PROZ: variants seen among roughly 807,000 people sequenced by gnomAD.
The protein encoded by PROZ is protein Z, vitamin K dependent plasma glycoprotein.
Under a neutral mutation model 34.9 loss-of-function variants are expected in PROZ, and 46 were observed. The observed-to-expected ratio is 1.32, with a 90% CI of 1.04 to 1.69. The LOEUF is 1.69. PROZ is among the 40% of genes most tolerant of loss of function. The probability of loss-of-function intolerance (pLI) is 0.00; values close to 1 mark genes in which losing one functional copy is unlikely to be tolerated. For missense variants in PROZ, 530 were observed against 520.4 expected, an observed-to-expected ratio of 1.02 and a Z score of -0.18; for synonymous variants, 195 against 208.5, an observed-to-expected ratio of 0.94 and a Z score of 0.56.
Position 113,159,683 on chromosome 13 carries a change from CT to C in PROZ, c.71-328del, listed in dbSNP as rs1311102988. Among the ~76,000 whole-genome samples the C allele has an allele frequency of 1.1e-4, 16 of 152,350 alleles. No individual in the cohort carries two copies. Among genetic ancestry groups the C allele is most frequent in the African/African-American group, 3.8e-4 (16 of 41,574 alleles). Reference sequence around the variant, plus strand: ...GGTCCCCAGTTCTCAGTACGGGGACCTTTGACCCCAGCTCAGCCTTCCTTCG... The same window carrying C: ...GGTCCCCAGTTCTCAGTACGGGGACCTTGACCCCAGCTCAGCCTTCCTTCG... On this transcript the variant is annotated intron_variant, in intron 1 of 7. Transcript: ENST00000375547. This position sits in a 1 kb window ranked among gnomAD's most constrained non-coding sequence, Gnocchi z 4.6.
chr13:113,161,799 T>G (rs1414764493), intron 3 of PROZ, among the ~76,000 whole-genome samples: 3 of 48,396 alleles, frequency 6.2e-5, no homozygotes, highest in African/African-American at 8.1e-5. Flanking sequence ...CCCTGCCACC[T>G]CCTCACATCC....
chr13:113,159,086 G>A lies in PROZ; in HGVS notation c.70+356G>A. On this transcript the variant is annotated intron_variant, in intron 1 of 7. Transcript: ENST00000375547. The surrounding 1 kb of genome is among the most constrained non-coding windows in gnomAD (Gnocchi z 4.6). ...GGGTGGGGCAGGCTGAGCCCAGACT[G>A]CAATGTGGGCAGAGAGAGCCTTGGC... 2 of 860,422 alleles carry A rather than the reference G, an allele frequency of 2.3e-6. No homozygotes were observed. Among genetic ancestry groups the A allele is most frequent in the Non-Finnish European group, 3.8e-6 (2 of 531,764 alleles). 53.3% of individuals were successfully genotyped at this position (860,422 alleles called of 1,614,324 possible).
At chr13:113,164,273 C>T (rs539437978) in intron 4 of PROZ, among the ~76,000 whole-genome samples, 6 of 152,124 alleles carry the variant, frequency 3.9e-5, no homozygotes, top group South Asian at 2.1e-4. Flanking sequence ...CCACCGCGCC[C>T]GGCCTCACTC....
rs1197596242 is a variant in PROZ, at chr13:113,170,509, A to G, written c.670A>G (p.Arg224Gly). ...AACAGCAAAATGTTCACTGTTACAC[A>G]GGAATATTACTGTAAAAACATGTAA... is the stretch of plus-strand genomic sequence containing the variant. ...LTTAKCSLLH[R>G]NITVKTYFNR... is the part of the protein sequence containing the mutation. Residue 224 changes from arginine (R) to glycine (G), a missense_variant, in exon 7 of 8, where the codon AGG (arginine) becomes GGG (glycine). Coordinates refer to ENST00000375547, the MANE Select transcript of PROZ (RefSeq NM_003891.3). 1 of 1,587,150 alleles carries G rather than the reference A, an allele frequency of 6.3e-7. No individual in the cohort carries two copies. Among genetic ancestry groups the G allele is most frequent in the Middle Eastern group, 1.7e-4 (1 of 5,926 alleles).
At chr13:113,170,612 C>A in intron 7 of PROZ, 82 bp downstream of exon 7, 1 of 900,402 alleles carries the variant, frequency 1.1e-6, no homozygotes, top group South Asian at 1.3e-5. Context: ...AAATTTAAAA[C>A]TGGACTGTTT....
At chr13:113,161,601 C>G (rs1013034069) in intron 3 of PROZ, among the ~76,000 whole-genome samples, 9 of 152,104 alleles carry the variant, frequency 5.9e-5, no homozygotes, top group African/African-American at 1.7e-4. Context: ...TGGGGCGGGA[C>G]AGAGGGGACC....
chr13:113,161,740 A>G (rs1167516765), intron 3 of PROZ, among the ~76,000 whole-genome samples: 2 of 147,442 alleles, frequency 1.4e-5, no homozygotes, highest in South Asian at 2.2e-4. Context: ...CTCAGTCCCC[A>G]TTCCTGCCAC....
Position 113,163,093 on chromosome 13 carries a change from C to A in PROZ, c.344C>A (p.Pro115His). The A allele has an allele frequency of 6.4e-7, 1 of 1,556,926 alleles. No individual in the cohort carries two copies. Among genetic ancestry groups the A allele is most frequent in the East Asian group, 2.4e-5 (1 of 41,428 alleles). ...TGGGGCTACACCTGCACCTGCTCCC[C>A]CGGCTATGAGGGCAGCAACTGCGAG... ...SIWGYTCTCSPGYEGSNCELA... is the reference protein window; with the variant it reads ...SIWGYTCTCSHGYEGSNCELA... The change falls in exon 4 of 8, where the codon CCC (proline) becomes CAC (histidine). Residue 115 changes from proline (P) to histidine (H), a missense_variant. Transcript: ENST00000375547.
rs2036728508 is a variant in PROZ at position 113,159,743 on chromosome 13, T to C, written c.71-271T>C. Reference sequence around the variant, plus strand: ...CCCAAAACCCAGTTGGAGCCCTCCCTCCTCCACTTTCCTGACTGAGGCCCG... The same window carrying C: ...CCCAAAACCCAGTTGGAGCCCTCCCCCCTCCACTTTCCTGACTGAGGCCCG... On this transcript the variant is annotated intron_variant, in intron 1 of 7. Coordinates refer to ENST00000375547, the MANE Select transcript of PROZ (RefSeq NM_003891.3). This position sits in a 1 kb window ranked among gnomAD's most constrained non-coding sequence, Gnocchi z 4.6. Among the ~76,000 whole-genome samples, 1 of 152,208 alleles carries C rather than the reference T, an allele frequency of 6.6e-6. No homozygotes were observed. The highest frequency in any genetic ancestry group is 2.4e-5 in the African/African-American group (1 of 41,466).
Position 113,165,086 on chromosome 13 carries a change from A to C in PROZ, c.539A>C (p.Lys180Thr). 1 of 1,612,928 alleles carries C rather than the reference A, an allele frequency of 6.2e-7. No homozygotes were observed. Among genetic ancestry groups the C allele is most frequent in the Non-Finnish European group, 8.5e-7 (1 of 1,180,008 alleles). The change falls in exon 6 of 8, where the codon AAG becomes ACG. Residue 180 changes from lysine to threonine, a missense_variant. By Grantham distance (78) the Lys-to-Thr change is moderately conservative. Transcript: ENST00000375547. ...QCACGVLTSE[K>T]RAPDLQDLPW... ...GCCTGCGGGGTGCTGACCTCTGAGA[A>C]GCGTGCACCGGATCTACAGGACCTC...
intron 6 of PROZ, among the ~76,000 whole-genome samples, chr13:113,169,611 CAG>C (rs751564506): frequency 2.0e-4 from 30 of 152,216 alleles, no homozygotes; most frequent in Non-Finnish European, 2.9e-4. Flanking sequence ...TAAGATTTGT[CAG>C]TAGGACCAGG....
chr13:113,164,258 A>C (rs148119789), intron 4 of PROZ, among the ~76,000 whole-genome samples: 3 of 151,986 alleles, frequency 2.0e-5, no homozygotes, highest in South Asian at 2.1e-4. Flanking sequence ...GATTACAGGC[A>C]TGAGCCACCG....
chr13:113,170,660 C>A, intron 7 of PROZ, 130 bp downstream of exon 7: 1 of 675,182 alleles, frequency 1.5e-6, no homozygotes, highest in South Asian at 1.7e-5. Context: ...GTCAATAAAA[C>A]TGAGATACTT....
intron 5 of PROZ, 110 bp from the exon 6 acceptor site, chr13:113,164,942 TA>T: frequency 9.0e-7 from 1 of 1,116,858 alleles, no homozygotes. Context: ...GATAAGATTA[TA>T]ATGGTTAGTA....
Position 113,171,447 on chromosome 13 carries a change from A to C in PROZ, c.692-147A>C, listed in dbSNP as rs3024770. On this transcript the variant is annotated intron_variant, in intron 7 of 7. Coordinates refer to ENST00000375547, the MANE Select transcript of PROZ (RefSeq NM_003891.3). This position sits in a 1 kb window ranked among gnomAD's most constrained non-coding sequence, Gnocchi z 5.1. ...GTGGCCTTTCTGTCCGCAGAAAGGC[A>C]CAGTGTCCACACCACGGGGCGGTGA... 0.013 allele frequency: 11,968 copies of C among 907,582 alleles called. 884 individuals carry two copies. The East Asian group carries it at 0.19, about 14-fold the overall frequency. 56.2% of individuals were successfully genotyped at this position (907,582 alleles called of 1,614,324 possible). A position where few individuals can be genotyped will look rare whatever the true frequency, so the allele number is the denominator to read the frequency against.
Position 113,171,934 on chromosome 13 carries a change from C to G in PROZ, c.1032C>G (p.Ser344Arg). The G allele has an allele frequency of 6.2e-7, 1 of 1,613,742 alleles. No individual in the cohort carries two copies. The highest frequency in any genetic ancestry group is 8.5e-7 in the Non-Finnish European group (1 of 1,180,040). Residue 344 changes from serine (S) to arginine (R), a missense_variant, in exon 8 of 8, where the codon AGC becomes AGG. Ser to Arg is a moderately radical substitution (Grantham distance 110). Coordinates refer to ENST00000375547, the MANE Select transcript of PROZ (RefSeq NM_003891.3). The surrounding 1 kb of genome is among the most constrained non-coding windows in gnomAD (Gnocchi z 5.1). The part of the protein sequence containing the change: ...TVTTRTYCER[S>R]SVAAMHWMDG... ...CCACCAGGACCTACTGTGAGAGAAG[C>G]AGCGTGGCGGCCATGCACTGGATGG... is the stretch of plus-strand genomic sequence containing the variant.
In PROZ at chr13:113,158,703, C is replaced by T. The variant is rs373938351; in HGVS notation, c.43C>T (p.Leu15Phe). 6.2e-6 allele frequency: 10 copies of T among 1,606,766 alleles called. No individual in the cohort carries two copies. The highest frequency in any genetic ancestry group is 1.7e-5 in the Admixed American group (1 of 59,358). ...VPLLQGLVLV[L>F]ALHRVEPSVF... ...ACTGCTCCAGGGCCTGGTCCTGGTC[C>T]TCGCCCTCCATCGTGTGGAGCCCTC... The change falls in exon 1 of 8, where the codon CTC becomes TTC. Residue 15 changes from leucine (L) to phenylalanine (F), a missense_variant. By Grantham distance (22) the Leu-to-Phe change is conservative. Coordinates refer to ENST00000375547, the MANE Select transcript of PROZ (RefSeq NM_003891.3). This position sits in a 1 kb window ranked among gnomAD's most constrained non-coding sequence, Gnocchi z 4.3.
rs781610266 is a variant in PROZ at position 113,160,065 on chromosome 13, C to A, written c.122C>A (p.Ala41Glu). Reference protein sequence around the residue: ...ANDVLVRWKRAGSYLLEELFE... With the variant: ...ANDVLVRWKREGSYLLEELFE... The stretch of plus-strand genomic sequence containing the variant: ...GACGTTCTGGTGAGGTGGAAGCGTG[C>A]GGGCTCCTATCTTCTGGAAGAACTC... The change falls in exon 2 of 8, where the codon GCG (alanine) becomes GAG (glutamate). Residue 41 changes from alanine to glutamate, a missense_variant. Transcript: ENST00000375547. The A allele has an allele frequency of 2.5e-6, 4 of 1,614,102 alleles. No homozygotes were observed. Among genetic ancestry groups the A allele is most frequent in the East Asian group, 4.5e-5 (2 of 44,882 alleles).
intron 7 of PROZ, 131 bp downstream of exon 7, chr13:113,170,661 T>G (rs1282083244): frequency 4.5e-6 from 3 of 673,098 alleles, no homozygotes; most frequent in African/African-American, 1.8e-5. Context: ...TCAATAAAAC[T>G]GAGATACTTA....
Sources: gnomAD v4.1 joint callset for allele counts (sites outside exome capture counted in the v4.1 genomes callset) on GRCh38, gnomAD v4.1.1 for gene constraint, Gnocchi (gnomAD v3.1) non-coding constraint, MANE v1.5 for transcripts, NCBI Gene and HGNC (gene_info 2026-07-23, HGNC 2026-07-21) for gene names.